DOCK8: variants seen among roughly 807,000 people sequenced by gnomAD.
DOCK8 encodes the protein dedicator of cytokinesis 8.
DOCK8 carries 141 observed loss-of-function variants against 245.6 expected under a neutral mutation model. That is an observed-to-expected ratio of 0.57 (90% CI 0.50 to 0.66). The LOEUF is 0.66. Ranked by LOEUF, DOCK8 falls within the 30% of genes least tolerant of loss-of-function variation. DOCK8 has a pLI of 0.00. For missense variants in DOCK8, 2,965 were observed against 2,603.4 expected (o/e 1.14, Z -3.02); for synonymous variants, 1,168 against 970.2 (o/e 1.20, Z -3.79).
At chr9:376,810 A>G (rs946434464) in intron 19 of DOCK8, among the ~76,000 whole-genome samples, 167 bp from the exon 20 acceptor site, 2 of 152,230 alleles carry the variant, frequency 1.3e-5, no homozygotes, top group Non-Finnish European at 2.9e-5. Flanking sequence ...ACCACATTCT[A>G]CAAAGAAGTT....
At chr9:404,782 C>G (rs2055335666) in intron 26 of DOCK8, 136 bp from the exon 27 acceptor site, 2 of 883,918 alleles carry the variant, frequency 2.3e-6, no homozygotes, top group East Asian at 5.3e-5. Context: ...AATTTACCAT[C>G]TGTTGCACTA....
chr9:281,841 C>T (rs1340296373), intron 2 of DOCK8, among the ~76,000 whole-genome samples: 1 of 152,246 alleles, frequency 6.6e-6, no homozygotes, highest in Non-Finnish European at 1.5e-5. Flanking sequence ...GACTAGTTTA[C>T]ACCACATTTG....
intron 24 of DOCK8, among the ~76,000 whole-genome samples, chr9:396,088 G>A (rs2054441478): frequency 6.6e-6 from 1 of 151,902 alleles, no homozygotes; most frequent in Admixed American, 6.6e-5. Context: ...GTGACTGTCT[G>A]CATTATGTAA....
Position 415,692 on chromosome 9 carries a change from G to GCACACATGCACACACGCACACACA in DOCK8, c.3700+747_3700+748insTGCACACACGCACACACACACACA, listed in dbSNP as rs1554699008. On this transcript the variant is annotated intron_variant, in intron 29 of 47. Coordinates refer to ENST00000432829, the MANE Select transcript of DOCK8 (RefSeq NM_203447.4). ...TGTGTGTGCACGTGTGTGCGCGCGTGCACACACACACACACACAATTCCTA... is the reference window on the plus strand; with the variant it reads ...TGTGTGTGCACGTGTGTGCGCGCGTGCACACATGCACACACGCACACACACACACACACACACACACAATTCCTA... Among the ~76,000 whole-genome samples the GCACACATGCACACACGCACACACA allele has an allele frequency of 2.3e-3, 349 of 151,086 alleles. 1 individual carries two copies. The highest frequency in any genetic ancestry group is 8.1e-3 in the African/African-American group (335 of 41,198).
At chr9:421,175 C>G in intron 32 of DOCK8, 97 bp downstream of exon 32, 1 of 1,525,866 alleles carries the variant, frequency 6.6e-7, no homozygotes, top group Non-Finnish European at 9.1e-7. Flanking sequence ...CCATTACTTT[C>G]TTGAGATATT....
At chr9:403,661 C>T (rs960861291) in intron 26 of DOCK8, among the ~76,000 whole-genome samples, 3 of 151,620 alleles carry the variant, frequency 2.0e-5, no homozygotes, top group African/African-American at 4.9e-5. Context: ...GCCAGGAGTT[C>T]GAGACCAGCT....
At chr9:212,323 T>C (rs2046632358), upstream of DOCK8, among the ~76,000 whole-genome samples, 1 of 152,134 alleles carries the variant, frequency 6.6e-6, no homozygotes, top group Admixed American at 6.5e-5. Flanking sequence ...AATTGATGTA[T>C]GGTCTGAGAT....
intron 29 of DOCK8, among the ~76,000 whole-genome samples, chr9:417,133 A>T (rs147422121): frequency 0.019 from 2,925 of 152,260 alleles, 106 homozygotes; most frequent in African/African-American, 0.067. Context: ...TGTCTCCACT[A>T]AAAATACAAA....
chr9:449,312 T>A (rs533994409), intron 44 of DOCK8, among the ~76,000 whole-genome samples: 1 of 152,146 alleles, frequency 6.6e-6, no homozygotes, highest in Non-Finnish European at 1.5e-5. Flanking sequence ...ATCATGCCAT[T>A]GCACTCCAGC....
chr9:404,552 T>C (rs2055324425), intron 26 of DOCK8, among the ~76,000 whole-genome samples: 1 of 152,204 alleles, frequency 6.6e-6, no homozygotes, highest in Non-Finnish European at 1.5e-5. Context: ...TGAGGTCAAC[T>C]CCTTTCATTT....
At chr9:326,817 C>A (rs143891792) in intron 8 of DOCK8, among the ~76,000 whole-genome samples, 196 of 152,320 alleles carry the variant, frequency 1.3e-3, no homozygotes, top group African/African-American at 4.6e-3. Context: ...TGATACATTG[C>A]TTCTGCTAAC....
At chr9:353,024 C>T (rs1298450595) in intron 14 of DOCK8, among the ~76,000 whole-genome samples, 1 of 152,164 alleles carries the variant, frequency 6.6e-6, no homozygotes, top group Non-Finnish European at 1.5e-5. Flanking sequence ...GTATTATAAG[C>T]CCCTGCTGTG....
chr9:300,006 T>A (rs1452767338), intron 4 of DOCK8, among the ~76,000 whole-genome samples: 3 of 128,726 alleles, frequency 2.3e-5, no homozygotes, highest in Non-Finnish European at 4.9e-5. Context: ...TGGGCGACAG[T>A]GAGACTCCGT....
At chr9:215,210 C>A (rs959619961) in intron 1 of DOCK8, 181 bp downstream of exon 1, 1 of 1,533,200 alleles carries the variant, frequency 6.5e-7, no homozygotes, top group Non-Finnish European at 8.7e-7. Flanking sequence ...CGCGCGGCGG[C>A]TCCTGCGCTG....
chr9:299,670 C>T (rs2049440206), intron 4 of DOCK8, among the ~76,000 whole-genome samples: 1 of 151,918 alleles, frequency 6.6e-6, no homozygotes, highest in South Asian at 2.1e-4. Context: ...GCGTTTCACC[C>T]AGCCCTAGCA....
At chr9:308,315 A>G (rs1166966561) in intron 5 of DOCK8, among the ~76,000 whole-genome samples, 1 of 152,254 alleles carries the variant, frequency 6.6e-6, no homozygotes, top group Non-Finnish European at 1.5e-5. Context: ...ACTGTATTCC[A>G]TAAATAGGTA....
At chr9:392,675 CA>C (rs756243333) in intron 24 of DOCK8, among the ~76,000 whole-genome samples, 12 of 151,856 alleles carry the variant, frequency 7.9e-5, no homozygotes, top group Non-Finnish European at 1.6e-4. Context: ...TTTTTCATTC[CA>C]AAAGCCGAGC....
intron 1 of DOCK8, among the ~76,000 whole-genome samples, chr9:251,038 A>G (rs377452778): frequency 6.6e-6 from 1 of 152,336 alleles, no homozygotes; most frequent in African/African-American, 2.4e-5. Flanking sequence ...GGAAGCAAAG[A>G]GGAGTCTAGG....
intron 28 of DOCK8, among the ~76,000 whole-genome samples, chr9:413,466 G>C (rs1001507284): frequency 1.3e-5 from 2 of 152,026 alleles, no homozygotes; most frequent in Non-Finnish European, 2.9e-5. Context: ...AAAATGAAAA[G>C]GCAACACACA....
Sources: allele counts gnomAD v4.1 joint callset (sites outside exome capture counted in the v4.1 genomes callset), GRCh38; gene constraint gnomAD v4.1.1; transcripts MANE v1.5; gene names NCBI Gene and HGNC (gene_info 2026-07-23, HGNC 2026-07-21).